PPP6R3: variants seen among roughly 807,000 people sequenced by gnomAD.
PPP6R3 encodes protein phosphatase 6 regulatory subunit 3, also known as serine/threonine-protein phosphatase 6 regulatory subunit 3.
Under a neutral mutation model 110.7 loss-of-function variants are expected in PPP6R3, and 38 were observed. That is an observed-to-expected ratio of 0.34 (90% CI 0.26 to 0.45). The LOEUF (loss-of-function observed/expected upper bound fraction) is 0.45. Among genes scored for constraint, PPP6R3 ranks in the 20% least tolerant of loss-of-function variants. PPP6R3 has a pLI of 1.00. For missense variants in PPP6R3, 870 were observed against 1,062.4 expected, an observed-to-expected ratio of 0.82 and a Z score of 2.52; for synonymous variants, 369 against 373.5, an observed-to-expected ratio of 0.99 and a Z score of 0.14.
At chr11:68,472,613 C>CG (rs1026860447) in intron 1 of PPP6R3, among the ~76,000 whole-genome samples, 6 of 150,426 alleles carry the variant, frequency 4.0e-5, no homozygotes, top group African/African-American at 2.4e-5. Context: ...ACTTATATCT[C>CG]GGGGTTTTTT....
At chr11:68,471,349 G>A (rs1283980365) in intron 1 of PPP6R3, among the ~76,000 whole-genome samples, 2 of 151,762 alleles carry the variant, frequency 1.3e-5, no homozygotes, top group Non-Finnish European at 2.9e-5. Context: ...TAACAGTCCC[G>A]AGGTTGAGTG....
chr11:68,615,000 CTG>C lies in PPP6R3; in HGVS notation c.*1886_*1887del, dbSNP rs1408304566. 1.8e-6 allele frequency: 1 copy of C among 545,426 alleles called. No individual in the cohort carries two copies. The allele number at this position is 545,426 out of a possible 1,614,324, so 33.8% of individuals were successfully genotyped here. ...TGGCTTCTCCATCCCACTGTGGCCTCTGTGGTATGGACCTGGTGGCTTCTCCA... is the reference window on the plus strand; with the variant it reads ...TGGCTTCTCCATCCCACTGTGGCCTCTGGTATGGACCTGGTGGCTTCTCCA... On this transcript the variant is annotated 3_prime_UTR_variant, in exon 24 of 24. Coordinates refer to ENST00000393800, the MANE Select transcript of PPP6R3 (RefSeq NM_001164161.2).
chr11:68,493,971 C>T (rs1020169969), intron 1 of PPP6R3, among the ~76,000 whole-genome samples: 17 of 151,196 alleles, frequency 1.1e-4, no homozygotes, highest in Non-Finnish European at 2.2e-4. Flanking sequence ...GGCGTGGTGG[C>T]GGGAGCCTGT....
intron 1 of PPP6R3, among the ~76,000 whole-genome samples, chr11:68,510,629 T>G (rs1171942162): frequency 6.6e-6 from 1 of 152,138 alleles, no homozygotes; most frequent in African/African-American, 2.4e-5. Flanking sequence ...AGCCCCAGCA[T>G]TTTTTCTTAA....
At chr11:68,473,419 C>T (rs963956193) in intron 1 of PPP6R3, among the ~76,000 whole-genome samples, 4 of 152,216 alleles carry the variant, frequency 2.6e-5, no homozygotes, top group Admixed American at 1.3e-4. Context: ...CCTTGCCATG[C>T]GTATCTCTCC....
chr11:68,521,155 C>A (rs900716080), intron 2 of PPP6R3, among the ~76,000 whole-genome samples: 1 of 152,204 alleles, frequency 6.6e-6, no homozygotes, highest in African/African-American at 2.4e-5. Context: ...TGTCAAACCA[C>A]CTTGGATTGT....
At chr11:68,538,397 C>T (rs1469984838) in intron 3 of PPP6R3, among the ~76,000 whole-genome samples, 1 of 152,150 alleles carries the variant, frequency 6.6e-6, no homozygotes, top group Non-Finnish European at 1.5e-5. Flanking sequence ...AGTAAGAATC[C>T]TTTATTACCA....
At chr11:68,545,702 T>C (rs973782674) in intron 4 of PPP6R3, among the ~76,000 whole-genome samples, 3 of 152,216 alleles carry the variant, frequency 2.0e-5, no homozygotes, top group African/African-American at 7.2e-5. Flanking sequence ...TCAGAAACTC[T>C]GAGAGATGGG....
rs777358794 is a variant in PPP6R3, at chr11:68,548,190, C to G, written c.538C>G (p.Gln180Glu). ...GTGTATCGAACCTCCACAGCCCAGG[C>G]AAGATGTGCTGAATGTGAGTAGAAT... ...LTCIEPPQPR[Q>E]DVLNWLNEEK... The change falls in exon 5 of 24, where the codon CAA becomes GAA. Residue 180 changes from glutamine (Q) to glutamate (E), a missense_variant. By Grantham distance (29) the Gln-to-Glu change is conservative (BLOSUM62 2). Coordinates refer to ENST00000393800, the MANE Select transcript of PPP6R3 (RefSeq NM_001164161.2). 2 of 1,614,044 alleles carry G rather than the reference C, an allele frequency of 1.2e-6. No homozygotes were observed. The highest frequency in any genetic ancestry group is 1.7e-6 in the Non-Finnish European group (2 of 1,179,982).
intron 8 of PPP6R3, among the ~76,000 whole-genome samples, chr11:68,561,900 C>T (rs567258039): frequency 6.6e-6 from 1 of 152,170 alleles, no homozygotes; most frequent in African/African-American, 2.4e-5. Context: ...GCTAGGACTA[C>T]AGGCACAAGC....
intron 1 of PPP6R3, among the ~76,000 whole-genome samples, chr11:68,485,643 G>C (rs2098942202): frequency 1.3e-5 from 2 of 152,126 alleles, no homozygotes; most frequent in African/African-American, 4.8e-5. Flanking sequence ...ATGTGATCAG[G>C]TGAGTCTTCT....
intron 22 of PPP6R3, among the ~76,000 whole-genome samples, chr11:68,605,059 G>T (rs181801195): frequency 8.7e-4 from 133 of 152,306 alleles, no homozygotes; most frequent in Non-Finnish European, 1.7e-3. Context: ...AGTAAAGCTG[G>T]CCGAGTGTGG....
intron 1 of PPP6R3, among the ~76,000 whole-genome samples, chr11:68,517,499 C>G (rs560837934): frequency 6.6e-6 from 1 of 152,004 alleles, no homozygotes; most frequent in African/African-American, 2.4e-5. Context: ...ATTTCAAAGC[C>G]GAACAGAGAA....
intron 1 of PPP6R3, among the ~76,000 whole-genome samples, chr11:68,501,379 G>A (rs2099048062): frequency 6.6e-6 from 1 of 152,236 alleles, no homozygotes; most frequent in Non-Finnish European, 1.5e-5. Context: ...GTAAGCTGGA[G>A]GGCAGTGGCG....
At chr11:68,481,344 G>C (rs920397056) in intron 1 of PPP6R3, among the ~76,000 whole-genome samples, 1 of 152,178 alleles carries the variant, frequency 6.6e-6, no homozygotes, top group African/African-American at 2.4e-5. Flanking sequence ...AGGAGGGTTA[G>C]GGGATTTGGT....
At chr11:68,557,635 C>T (rs2099404649) in intron 7 of PPP6R3, among the ~76,000 whole-genome samples, 1 of 152,198 alleles carries the variant, frequency 6.6e-6, no homozygotes, top group South Asian at 2.1e-4. Flanking sequence ...TCTCCTGCCT[C>T]AGCCTTCTGA....
intron 19 of PPP6R3, among the ~76,000 whole-genome samples, chr11:68,600,046 C>A (rs149707349): frequency 6.6e-6 from 1 of 152,054 alleles, no homozygotes; most frequent in Non-Finnish European, 1.5e-5. Context: ...GGCGTGAACC[C>A]GGGAGGCGGA....
chr11:68,510,054 C>CTTTT (rs372113258), intron 1 of PPP6R3, among the ~76,000 whole-genome samples: 158 of 76,928 alleles, frequency 2.1e-3, no homozygotes, highest in Admixed American at 3.0e-3. Flanking sequence ...TGTGCTCGGC[C>CTTTT]TTTTTTTTTT....
At chr11:68,513,414 A>G (rs1344358231) in intron 1 of PPP6R3, among the ~76,000 whole-genome samples, 1 of 152,188 alleles carries the variant, frequency 6.6e-6, no homozygotes, top group African/African-American at 2.4e-5. Flanking sequence ...GTATGAGGCT[A>G]CGTAATGGTG....
Sources: allele counts gnomAD v4.1 joint callset (sites outside exome capture counted in the v4.1 genomes callset), GRCh38; gene constraint gnomAD v4.1.1; transcripts MANE v1.5; gene names NCBI Gene and HGNC (gene_info 2026-07-23, HGNC 2026-07-21).